BNC2: variants seen among roughly 807,000 people sequenced by gnomAD.
The protein encoded by BNC2 is basonuclin zinc finger protein 2.
In BNC2, 20 loss-of-function variants were observed where a neutral mutation model predicts 76.3. The observed-to-expected ratio is 0.26, with a 90% CI of 0.18 to 0.38. The LOEUF is 0.38. BNC2 is among the 10% of genes least tolerant of loss of function. The pLI is 1.00. For synonymous variants in BNC2, 582 were observed against 514.8 expected (o/e 1.13, Z -1.77); for missense variants, 1,382 against 1,399.8 (o/e 0.99, Z 0.20).
At chr9:16,433,658 G>A (rs914939089) in intron 6 of BNC2, among the ~76,000 whole-genome samples, 1 of 152,128 alleles carries the variant, frequency 6.6e-6, no homozygotes, top group Non-Finnish European at 1.5e-5. Context: ...ATATACAAGC[G>A]CTTGCGTTTT....
chr9:16,735,842 T>TAA (rs1824651405), intron 2 of BNC2, among the ~76,000 whole-genome samples: 1 of 152,044 alleles, frequency 6.6e-6, no homozygotes, highest in Non-Finnish European at 1.5e-5. Flanking sequence ...CCTTCTAAAG[T>TAA]CTGTGGACCA....
At chr9:16,464,066 C>T (rs1452024798) in intron 5 of BNC2, among the ~76,000 whole-genome samples, 1 of 138,126 alleles carries the variant, frequency 7.2e-6, no homozygotes, top group Non-Finnish European at 1.5e-5. Context: ...CGAACTCCAG[C>T]CTAGGAGACA....
At chr9:16,423,325 G>C (rs1820744352) in intron 6 of BNC2, among the ~76,000 whole-genome samples, 1 of 152,106 alleles carries the variant, frequency 6.6e-6, no homozygotes, top group African/African-American at 2.4e-5. Context: ...GCTTTGATTT[G>C]GAAGGCAAGA....
chr9:16,635,463 A>G (rs1205064237), intron 3 of BNC2, among the ~76,000 whole-genome samples: 1 of 152,218 alleles, frequency 6.6e-6, no homozygotes, highest in African/African-American at 2.4e-5. Flanking sequence ...ATACTTTTGA[A>G]TACCTTGATA....
intron 4 of BNC2, among the ~76,000 whole-genome samples, chr9:16,557,758 C>A (rs891870148): frequency 3.9e-5 from 6 of 151,908 alleles, no homozygotes; most frequent in African/African-American, 1.5e-4. Flanking sequence ...GACTTGTGTC[C>A]ACTCCCCTTC....
intron 3 of BNC2, among the ~76,000 whole-genome samples, chr9:16,599,899 G>T (rs1169406796): frequency 6.6e-6 from 1 of 152,096 alleles, no homozygotes; most frequent in Non-Finnish European, 1.5e-5. Context: ...TTCCATACAA[G>T]CACCATAGGA....
chr9:16,679,749 C>T (rs899048672), intron 3 of BNC2, among the ~76,000 whole-genome samples: 7 of 152,190 alleles, frequency 4.6e-5, no homozygotes, highest in Non-Finnish European at 7.4e-5. Context: ...GGCAGGAAGG[C>T]GTGAGAAACC....
chr9:16,451,932 T>C (rs533148243), intron 5 of BNC2, among the ~76,000 whole-genome samples: 2 of 152,306 alleles, frequency 1.3e-5, no homozygotes, highest in East Asian at 3.9e-4. Flanking sequence ...TAGTGCCATG[T>C]TTTGTCTTTA....
At chr9:16,543,869 T>C (rs976954783) in intron 5 of BNC2, among the ~76,000 whole-genome samples, 3 of 152,120 alleles carry the variant, frequency 2.0e-5, no homozygotes, top group Non-Finnish European at 4.4e-5. Context: ...CAGGACAGTG[T>C]TTGTAGAGTG....
chr9:16,735,220 A>G (rs1435352829), intron 2 of BNC2, among the ~76,000 whole-genome samples: 1 of 152,220 alleles, frequency 6.6e-6, no homozygotes, highest in Non-Finnish European at 1.5e-5. Context: ...TCTTGTGCCT[A>G]CAAAAGGTCA....
intron 1 of BNC2, among the ~76,000 whole-genome samples, chr9:16,825,158 C>G (rs1818424944): frequency 1.3e-5 from 2 of 151,858 alleles, no homozygotes; most frequent in Non-Finnish European, 2.9e-5. Context: ...GGAGGTATGT[C>G]ATTTATGCAC....
At chr9:16,489,454 T>C (rs969124466) in intron 5 of BNC2, among the ~76,000 whole-genome samples, 22 of 152,268 alleles carry the variant, frequency 1.4e-4, no homozygotes, top group African/African-American at 4.8e-4. Context: ...ACTAGAGAAA[T>C]CTTTAAAAAG....
At chr9:16,445,693 G>A (rs573606198) in intron 5 of BNC2, among the ~76,000 whole-genome samples, 22 of 152,294 alleles carry the variant, frequency 1.4e-4, no homozygotes, top group African/African-American at 4.6e-4. Flanking sequence ...GGCATGGGCA[G>A]AAAGAATGAT....
rs529643276 is a variant in BNC2, at chr9:16,809,258, G to A, written c.3+61388C>T. ...AAGAGCCAAAAACAAGCCCCCTCCT[G>A]GATCACTCTCTGATGACCTTTTCAG... On this transcript the variant is annotated intron_variant, in intron 1 of 6. Transcript: ENST00000380672. Among the ~76,000 whole-genome samples the A allele has an allele frequency of 2.0e-5, 3 of 152,044 alleles. No homozygotes were observed. In the East Asian group the frequency reaches 5.8e-4, roughly 30 times the overall value.
At chr9:16,767,179 A>G (rs1255528764) in intron 1 of BNC2, among the ~76,000 whole-genome samples, 1 of 152,160 alleles carries the variant, frequency 6.6e-6, no homozygotes, top group African/African-American at 2.4e-5. Context: ...CAGATGGTAG[A>G]CTCTCTCCAT....
At chr9:16,805,413 G>A (rs112764035) in intron 1 of BNC2, among the ~76,000 whole-genome samples, 10 of 151,800 alleles carry the variant, frequency 6.6e-5, no homozygotes, top group East Asian at 2.0e-4. Flanking sequence ...CGCAACCTCC[G>A]CCTCCTCGGT....
At chr9:16,774,525 T>C (rs916757220) in intron 1 of BNC2, among the ~76,000 whole-genome samples, 6 of 152,226 alleles carry the variant, frequency 3.9e-5, no homozygotes, top group Admixed American at 6.5e-5. Flanking sequence ...TTGGAATATC[T>C]ATGATTTCAA....
At chr9:16,501,413 C>G (rs1822514821) in intron 5 of BNC2, among the ~76,000 whole-genome samples, 1 of 152,160 alleles carries the variant, frequency 6.6e-6, no homozygotes, top group African/African-American at 2.4e-5. Flanking sequence ...ATAACCTTCT[C>G]AAAGTTTACA....
intron 5 of BNC2, among the ~76,000 whole-genome samples, chr9:16,475,523 T>G (rs1017558536): frequency 6.6e-6 from 1 of 152,232 alleles, no homozygotes; most frequent in Non-Finnish European, 1.5e-5. Context: ...TGATCCACAA[T>G]TTTAATTTTG....
Sources: allele counts gnomAD v4.1 joint callset (sites outside exome capture counted in the v4.1 genomes callset), GRCh38; gene constraint gnomAD v4.1.1; transcripts MANE v1.5; gene names NCBI Gene and HGNC (gene_info 2026-07-23, HGNC 2026-07-21).